CDH22: variants seen among roughly 807,000 people sequenced by gnomAD.
CDH22 encodes the protein cadherin-22.
A neutral mutation model predicts 58.4 loss-of-function variants in CDH22; 30 were observed. The ratio of observed to expected loss-of-function variants is 0.51; its 90% confidence interval spans 0.38 to 0.70. The LOEUF is 0.70. Ranked by LOEUF, CDH22 falls within the 30% of genes least tolerant of loss-of-function variation. The pLI, the probability that CDH22 is intolerant of heterozygous loss-of-function variation, is 0.00. For missense variants in CDH22, 1,014 were observed against 1,233.9 expected (o/e 0.82, Z 2.67); for synonymous variants, 513 against 558.2 (o/e 0.92, Z 1.14).
chr20:46,241,109 A>T lies in CDH22; in HGVS notation c.404T>A (p.Leu135Gln). ...LDREQKTFYTLRAQARDRATN... is the reference protein window; with the variant it reads ...LDREQKTFYTQRAQARDRATN... Reference sequence around the variant, plus strand: ...GGCGCGATCCCGAGCCTGGGCCCGCAGCGTGTAGAAGGTTTTCTGCTCGCG... The same window carrying T: ...GGCGCGATCCCGAGCCTGGGCCCGCTGCGTGTAGAAGGTTTTCTGCTCGCG... Residue 135 changes from leucine to glutamine, a missense_variant, in exon 3 of 12, where the codon CTG becomes CAG. Leu to Gln is a moderately radical substitution (Grantham distance 113). Transcript: ENST00000537909. This position sits in a 1 kb window ranked among gnomAD's most constrained non-coding sequence, Gnocchi z 5.2. The T allele has an allele frequency of 6.2e-7, 1 of 1,614,142 alleles. No individual in the cohort carries two copies. The highest frequency in any genetic ancestry group is 8.5e-7 in the Non-Finnish European group (1 of 1,180,020).
intron 8 of CDH22, 24 bp downstream of exon 8, chr20:46,199,399 G>C (rs756517297): frequency 7.6e-5 from 122 of 1,601,584 alleles, no homozygotes; most frequent in Non-Finnish European, 9.4e-5. Context: ...TTTGCCCTTG[G>C]AGGGGGCGTG....
Position 46,177,161 on chromosome 20 carries a change from C to CG in CDH22, c.1915+784dup, listed in dbSNP as rs1013024546. ...CCGTGCCAGTGCCAGCCAGTGAGGG[C>CG]GGGGGGAGGCAGCTGACATCTCCCA... On this transcript the variant is annotated intron_variant, in intron 11 of 11. Coordinates refer to ENST00000537909, the MANE Select transcript of CDH22 (RefSeq NM_021248.3). Among the ~76,000 whole-genome samples, 18 of 152,006 alleles carry CG rather than the reference C, an allele frequency of 1.2e-4. 1 individual carries two copies. The South Asian group carries it at 3.1e-3, about 26-fold the overall frequency.
intron 7 of CDH22, among the ~76,000 whole-genome samples, chr20:46,201,830 G>C (rs887800060): frequency 6.6e-6 from 1 of 152,134 alleles, no homozygotes; most frequent in Non-Finnish European, 1.5e-5. Flanking sequence ...ACGTGGGGAG[G>C]TTCAGACCCA....
At chr20:46,233,382 C>T (rs2086232581) in intron 3 of CDH22, among the ~76,000 whole-genome samples, 1 of 152,224 alleles carries the variant, frequency 6.6e-6, no homozygotes, top group Non-Finnish European at 1.5e-5. Flanking sequence ...CCCACAAGCG[C>T]TTCTGTCCTC....
At chr20:46,303,213 G>GA (rs1200722486) in intron 1 of CDH22, among the ~76,000 whole-genome samples, 3 of 152,146 alleles carry the variant, frequency 2.0e-5, no homozygotes, top group Admixed American at 6.5e-5. Flanking sequence ...TCAGCCAACT[G>GA]AAATCTCAGT....
rs998276015 is a variant in CDH22, at chr20:46,210,199, C to A, written c.1286+108G>T. ...GCCTCCCTCCCCCACGCAGCCCCTTCCTTCGGCCCTGCCCGCCCCAGCCCT... is the reference window on the plus strand; with the variant it reads ...GCCTCCCTCCCCCACGCAGCCCCTTACTTCGGCCCTGCCCGCCCCAGCCCT... On this transcript the variant is annotated intron_variant, in intron 7 of 11. Coordinates refer to ENST00000537909, the MANE Select transcript of CDH22 (RefSeq NM_021248.3). This position sits in a 1 kb window ranked among gnomAD's most constrained non-coding sequence, Gnocchi z 4.5. 5 of 1,178,460 alleles carry A rather than the reference C, an allele frequency of 4.2e-6. No homozygotes were observed. The highest frequency in any genetic ancestry group is 4.2e-5 in the Admixed American group (1 of 23,854). The allele number at this position is 1,178,460 out of a possible 1,614,324, so 73.0% of individuals were successfully genotyped here.
At chr20:46,306,003 A>C (rs890636671) in intron 1 of CDH22, among the ~76,000 whole-genome samples, 1 of 152,216 alleles carries the variant, frequency 6.6e-6, no homozygotes, top group Non-Finnish European at 1.5e-5. Flanking sequence ...TTTTGACAGA[A>C]AGGCTGTGAC....
chr20:46,242,962 C>G (rs1341634946), intron 2 of CDH22, among the ~76,000 whole-genome samples: 1 of 152,164 alleles, frequency 6.6e-6, no homozygotes, highest in Admixed American at 6.5e-5. Flanking sequence ...TGTTTTCTTG[C>G]AATCAGAAAC....
chr20:46,210,920 A>T lies in CDH22; in HGVS notation c.1033-360T>A, dbSNP rs1294990146. ...GCTTTAAGTATATTAACTCAACTTGACATCAACCCTAAGAGGCTTGTATTC... is the reference window on the plus strand; with the variant it reads ...GCTTTAAGTATATTAACTCAACTTGTCATCAACCCTAAGAGGCTTGTATTC... On this transcript the variant is annotated intron_variant, in intron 6 of 11. Transcript: ENST00000537909. This position sits in a 1 kb window ranked among gnomAD's most constrained non-coding sequence, Gnocchi z 4.5. Among the ~76,000 whole-genome samples the T allele has an allele frequency of 6.6e-6, 1 of 152,220 alleles. No homozygotes were observed. The highest frequency in any genetic ancestry group is 2.4e-5 in the African/African-American group (1 of 41,450).
chr20:46,307,280 A>G (rs1248351439), intron 1 of CDH22, among the ~76,000 whole-genome samples: 1 of 152,070 alleles, frequency 6.6e-6, no homozygotes, highest in Non-Finnish European at 1.5e-5. Flanking sequence ...GATCAGCCCT[A>G]CCCTCTGCAG....
chr20:46,276,165 G>A (rs2145762241), intron 1 of CDH22, among the ~76,000 whole-genome samples: 1 of 152,268 alleles, frequency 6.6e-6, no homozygotes, highest in African/African-American at 2.4e-5. Context: ...AGCTCAGTGG[G>A]GCACCCACCA....
At chr20:46,203,748 C>G (rs1466893298) in intron 7 of CDH22, among the ~76,000 whole-genome samples, 1 of 152,180 alleles carries the variant, frequency 6.6e-6, no homozygotes, top group Non-Finnish European at 1.5e-5. Context: ...CAGTGTGTGG[C>G]TTGCATGCCT....
intron 1 of CDH22, among the ~76,000 whole-genome samples, chr20:46,301,515 A>T (rs918344456): frequency 6.6e-6 from 1 of 151,270 alleles, no homozygotes; most frequent in Non-Finnish European, 1.5e-5. Context: ...ATATATATAT[A>T]TATGTATATA....
intron 3 of CDH22, among the ~76,000 whole-genome samples, chr20:46,240,211 G>A (rs1316290237): frequency 1.3e-5 from 2 of 152,044 alleles, no homozygotes; most frequent in Non-Finnish European, 2.9e-5. Context: ...CACACCAGGG[G>A]AGCTGGACCC....
At chr20:46,301,504 A>AAT (rs56771727) in intron 1 of CDH22, among the ~76,000 whole-genome samples, 37,728 of 149,840 alleles carry the variant, frequency 0.25, 4,987 homozygotes, top group African/African-American at 0.34. Context: ...CTATTAAAAA[A>AAT]ATATATATAT....
At chr20:46,218,609 C>A (rs2145698854) in intron 4 of CDH22, among the ~76,000 whole-genome samples, 1 of 149,966 alleles carries the variant, frequency 6.7e-6, no homozygotes, top group East Asian at 2.0e-4. Context: ...CTTATTCACA[C>A]CCCCTCCCAC....
rs144964967 is a variant in CDH22 at position 46,223,727 on chromosome 20, C to CTTTCTCTT, written c.670+3780_670+3781insAAGAGAAA. On this transcript the variant is annotated intron_variant, in intron 4 of 11. Transcript: ENST00000537909. ...TTTCTTTCTTTCTTTTTCTTTCTTT[C>CTTTCTCTT]TCTTTCTTTCTTTCTCTTTCCTCTT... Among the ~76,000 whole-genome samples the CTTTCTCTT allele has an allele frequency of 4.6e-3, 512 of 111,934 alleles. 4 individuals carry two copies. Among genetic ancestry groups the CTTTCTCTT allele is most frequent in the African/African-American group, 0.016 (486 of 30,028 alleles). The allele number at this position is 111,934 out of a possible 152,430, so 73.4% of individuals were successfully genotyped here.
intron 6 of CDH22, among the ~76,000 whole-genome samples, chr20:46,211,149 GCTT>G (rs2085731026): frequency 6.6e-6 from 1 of 152,184 alleles, no homozygotes; most frequent in Non-Finnish European, 1.5e-5. Flanking sequence ...CTGAGCCTGT[GCTT>G]CTTATCGGGG....
At chr20:46,218,758 G>A (rs1407431211) in intron 4 of CDH22, among the ~76,000 whole-genome samples, 2 of 152,118 alleles carry the variant, frequency 1.3e-5, no homozygotes, top group Non-Finnish European at 2.9e-5. Context: ...AGGCGTGGGG[G>A]TGACCGCAAG....
Sources: gnomAD v4.1 joint callset for allele counts (sites outside exome capture counted in the v4.1 genomes callset) on GRCh38, gnomAD v4.1.1 for gene constraint, Gnocchi (gnomAD v3.1) non-coding constraint, MANE v1.5 for transcripts, NCBI Gene and HGNC (gene_info 2026-07-23, HGNC 2026-07-21) for gene names.